The following BANP variants were observed in gnomAD, a reference collection of about 807,000 sequenced individuals.
BANP encodes BTG3 associated nuclear protein, also known as protein BANP.
BANP carries 11 observed loss-of-function variants against 68.1 expected under a neutral mutation model. The observed-to-expected ratio is 0.16, with a 90% confidence interval of 0.10 to 0.27. The LOEUF (loss-of-function observed/expected upper bound fraction) is 0.27. Among genes scored for constraint, BANP ranks in the 10% least tolerant of loss-of-function variants. BANP has a pLI of 1.00. For synonymous variants in BANP, 329 were observed against 303.2 expected, an observed-to-expected ratio of 1.09 and a Z score of -0.88; for missense variants, 504 against 722.7, an observed-to-expected ratio of 0.70 and a Z score of 3.47.
At chr16:87,985,322 G>A (rs889250123) in intron 4 of BANP, among the ~76,000 whole-genome samples, 5 of 152,196 alleles carry the variant, frequency 3.3e-5, no homozygotes, top group African/African-American at 9.7e-5. Flanking sequence ...ATCTCAGTTC[G>A]CAGGCGGGAG....
chr16:88,014,491 T>C (rs2074016247), intron 6 of BANP, among the ~76,000 whole-genome samples: 1 of 152,092 alleles, frequency 6.6e-6, no homozygotes, highest in Non-Finnish European at 1.5e-5. Flanking sequence ...CAGTGACACT[T>C]TGACATGATT....
intron 6 of BANP, among the ~76,000 whole-genome samples, chr16:88,017,600 C>T (rs1226739674): frequency 6.6e-6 from 1 of 152,182 alleles, no homozygotes. Context: ...AGCTGAGAGC[C>T]CACGCTTGGG....
intron 6 of BANP, among the ~76,000 whole-genome samples, chr16:88,012,558 G>C (rs1474544012): frequency 6.6e-6 from 1 of 152,188 alleles, no homozygotes; most frequent in African/African-American, 2.4e-5. Flanking sequence ...TATCCTGCTG[G>C]AGATGGAAAT....
At chr16:88,045,409 A>G (rs2081773338) in intron 11 of BANP, among the ~76,000 whole-genome samples, 1 of 152,224 alleles carries the variant, frequency 6.6e-6, no homozygotes, top group Non-Finnish European at 1.5e-5. Context: ...GCCGGGGCCA[A>G]AGGAACGCTT....
At chr16:88,052,756 A>G (rs569724337) in intron 11 of BANP, among the ~76,000 whole-genome samples, 1 of 151,398 alleles carries the variant, frequency 6.6e-6, no homozygotes, top group East Asian at 2.0e-4. Context: ...CACCACCTTT[A>G]CCATTACCAT....
intron 8 of BANP, among the ~76,000 whole-genome samples, chr16:88,029,682 C>T (rs1163108679): frequency 6.6e-6 from 1 of 151,844 alleles, no homozygotes; most frequent in Non-Finnish European, 1.5e-5. Context: ...ATTGAATTCT[C>T]TTGCCATTGA....
chr16:87,984,627 T>G (rs551475918), intron 4 of BANP, among the ~76,000 whole-genome samples: 3 of 152,400 alleles, frequency 2.0e-5, no homozygotes, highest in African/African-American at 7.2e-5. Context: ...ACATTTCACA[T>G]GAATATATCA....
At chr16:88,001,815 A>G (rs2069440698) in intron 4 of BANP, among the ~76,000 whole-genome samples, 1 of 152,048 alleles carries the variant, frequency 6.6e-6, no homozygotes, top group Non-Finnish European at 1.5e-5. Context: ...ACAAAATTTT[A>G]TCCTGTTAGC....
chr16:88,068,141 G>A (rs572247613), intron 12 of BANP, among the ~76,000 whole-genome samples: 9 of 152,360 alleles, frequency 5.9e-5, no homozygotes, highest in Admixed American at 2.6e-4. Context: ...GGAAAGCGTC[G>A]TGCACTCGTC....
intron 4 of BANP, among the ~76,000 whole-genome samples, chr16:87,988,097 GAA>G (rs1452252255): frequency 6.6e-6 from 1 of 151,946 alleles, no homozygotes; most frequent in South Asian, 2.1e-4. Flanking sequence ...GTATGTCAAT[GAA>G]AAAAAGTATG....
intron 2 of BANP, chr16:87,978,314 C>G (rs571181039): frequency 1.3e-5 from 3 of 227,166 alleles, no homozygotes; most frequent in African/African-American, 6.8e-5. Flanking sequence ...CGCCTCTCTT[C>G]TGCTGTTATG....
intron 7 of BANP, among the ~76,000 whole-genome samples, chr16:88,024,720 C>T (rs2076651073): frequency 6.6e-6 from 1 of 152,236 alleles, no homozygotes; most frequent in Non-Finnish European, 1.5e-5. Context: ...CCTTTGTGGC[C>T]GGCAGGGGGC....
intron 7 of BANP, among the ~76,000 whole-genome samples, chr16:88,020,949 A>G (rs900261369): frequency 2.0e-5 from 3 of 152,160 alleles, no homozygotes; most frequent in African/African-American, 7.2e-5. Flanking sequence ...GTCTGTATTC[A>G]GGGAGTCCAT....
intron 6 of BANP, among the ~76,000 whole-genome samples, chr16:88,015,129 C>A (rs1401248528): frequency 3.4e-5 from 2 of 59,552 alleles, no homozygotes; most frequent in Non-Finnish European, 7.7e-5. Context: ...CTGCCTGTCC[C>A]TCTGCCTGTG....
At chr16:87,955,235 G>T (rs1200636325) in intron 1 of BANP, among the ~76,000 whole-genome samples, 1 of 151,808 alleles carries the variant, frequency 6.6e-6, no homozygotes, top group Non-Finnish European at 1.5e-5. Context: ...GGCTCTGTCT[G>T]CCAGAGCCTT....
In BANP at chr16:88,001,313, C is replaced by G. The variant is rs1165556136; in HGVS notation, c.363-2982C>G. 4.6e-5 allele frequency among the ~76,000 whole-genome samples: 5 copies of G among 108,464 alleles called. 1 individual carries two copies. Among genetic ancestry groups the G allele is most frequent in the Non-Finnish European group, 9.2e-5 (5 of 54,144 alleles). The allele number at this position is 108,464 out of a possible 152,430, so 71.2% of individuals were successfully genotyped here. On this transcript the variant is annotated intron_variant, in intron 4 of 13. Coordinates refer to ENST00000682872, the MANE Select transcript of BANP (RefSeq NM_001386991.1). ...ACATGCACGCACGTGCGCGGCTAGACTTACCTGTCCTTCCAGATACCCAGA... is the reference window on the plus strand; with the variant it reads ...ACATGCACGCACGTGCGCGGCTAGAGTTACCTGTCCTTCCAGATACCCAGA...
Position 88,004,598 on chromosome 16 carries a change from C to T in BANP, c.479+187C>T, listed in dbSNP as rs1318560070. Among the ~76,000 whole-genome samples the T allele has an allele frequency of 6.6e-6, 1 of 152,196 alleles. No homozygotes were observed. Among genetic ancestry groups the T allele is most frequent in the Non-Finnish European group, 1.5e-5 (1 of 68,036 alleles). On this transcript the variant is annotated intron_variant, in intron 5 of 13. Coordinates refer to ENST00000682872, the MANE Select transcript of BANP (RefSeq NM_001386991.1). The surrounding 1 kb of genome is among the most constrained non-coding windows in gnomAD (Gnocchi z 7.0). Reference sequence around the variant, plus strand: ...AGGGCAGGCTGGGCGATGCTGAATGCTGAGTCCAGCCACACCAGGGGCAGC... The same window carrying T: ...AGGGCAGGCTGGGCGATGCTGAATGTTGAGTCCAGCCACACCAGGGGCAGC...
At chr16:88,025,412 G>A (rs1302353032) in intron 7 of BANP, among the ~76,000 whole-genome samples, 3 of 152,184 alleles carry the variant, frequency 2.0e-5, no homozygotes, top group Non-Finnish European at 2.9e-5. Flanking sequence ...GCCAAGATTC[G>A]AGGGTGACTT....
intron 4 of BANP, among the ~76,000 whole-genome samples, chr16:87,993,395 T>C (rs2066376270): frequency 6.6e-6 from 1 of 151,942 alleles, no homozygotes; most frequent in South Asian, 2.1e-4. Flanking sequence ...TCCCATTTAT[T>C]CACCTATTCA....
Sources: allele counts gnomAD v4.1 joint callset (sites outside exome capture counted in the v4.1 genomes callset), GRCh38; gene constraint gnomAD v4.1.1; non-coding constraint Gnocchi (gnomAD v3.1); transcripts MANE v1.5; gene names NCBI Gene and HGNC (gene_info 2026-07-23, HGNC 2026-07-21).